The following SLC25A26 variants were observed in gnomAD, a reference collection of about 807,000 sequenced individuals.
The protein encoded by SLC25A26 is mitochondrial S-adenosylmethionine carrier protein.
Under a neutral mutation model 37.8 loss-of-function variants are expected in SLC25A26, and 36 were observed. That is an observed-to-expected ratio of 0.95 (90% CI 0.73 to 1.26). The LOEUF is 1.26. SLC25A26 is among the 50% of genes most tolerant of loss of function. SLC25A26 has a pLI of 0.00. For synonymous variants in SLC25A26, 129 were observed against 122.5 expected (o/e 1.05, Z -0.35); for missense variants, 390 against 331.1 (o/e 1.18, Z -1.38).
intron 5 of SLC25A26, among the ~76,000 whole-genome samples, chr3:66,342,917 G>A (rs545269674): frequency 2.0e-4 from 30 of 152,272 alleles, no homozygotes; most frequent in African/African-American, 7.0e-4. Context: ...TTAAATGGAG[G>A]CATTAAACAG....
intron 1 of SLC25A26, among the ~76,000 whole-genome samples, chr3:66,156,619 T>G (rs528465937): frequency 6.6e-6 from 1 of 152,146 alleles, no homozygotes; most frequent in South Asian, 2.1e-4. Context: ...CTTGTCATGA[T>G]GTAGGGGATA....
At chr3:66,248,099 G>A (rs1451580153) in intron 3 of SLC25A26, among the ~76,000 whole-genome samples, 4 of 152,084 alleles carry the variant, frequency 2.6e-5, no homozygotes, top group African/African-American at 9.7e-5. Flanking sequence ...GTTGAATATA[G>A]CCACAGTTAC....
rs147909067 is a variant in SLC25A26 at position 66,231,196 on chromosome 3, C to T, written c.34-5348C>T. Among the ~76,000 whole-genome samples the T allele has an allele frequency of 5.0e-3, 756 of 152,038 alleles. 6 individuals carry two copies. Among genetic ancestry groups the T allele is most frequent in the Non-Finnish European group, 8.3e-3 (561 of 67,992 alleles). Reference sequence around the variant, plus strand: ...TCTCAAAAAATAAATTGTTTCAGGACGTGTTTGAGATGTTCGAGTAGTCAG... The same window carrying T: ...TCTCAAAAAATAAATTGTTTCAGGATGTGTTTGAGATGTTCGAGTAGTCAG... On this transcript the variant is annotated intron_variant, in intron 1 of 9. Transcript: ENST00000354883.
intron 5 of SLC25A26, among the ~76,000 whole-genome samples, chr3:66,320,711 T>G (rs2075671408): frequency 2.6e-5 from 4 of 152,210 alleles, no homozygotes; most frequent in African/African-American, 9.6e-5. Flanking sequence ...AGCAATGTAT[T>G]AGGGTTCCAG....
intron 5 of SLC25A26, among the ~76,000 whole-genome samples, chr3:66,319,999 G>A (rs1001305981): frequency 1.3e-5 from 2 of 151,990 alleles, no homozygotes; most frequent in Non-Finnish European, 1.5e-5. Context: ...CGCTGCCTTA[G>A]CCTCCCAAAG....
chr3:66,157,838 G>C (rs1037681548), intron 1 of SLC25A26, among the ~76,000 whole-genome samples: 1 of 152,188 alleles, frequency 6.6e-6, no homozygotes, highest in Non-Finnish European at 1.5e-5. Context: ...GTCCAGGCTG[G>C]AGTGCAGTGG....
chr3:66,281,276 T>G (rs1189070828), intron 5 of SLC25A26, among the ~76,000 whole-genome samples: 1 of 152,194 alleles, frequency 6.6e-6, no homozygotes, highest in Non-Finnish European at 1.5e-5. Flanking sequence ...ATGGTTTGAT[T>G]AAGTTGTTTT....
chr3:66,369,025 C>CAAAAAAAAAAAAAAAAAAA (rs1201555171), intron 7 of SLC25A26, among the ~76,000 whole-genome samples: 5 of 32,878 alleles, frequency 1.5e-4, no homozygotes, highest in African/African-American at 2.0e-4. Context: ...CCTGTCTTTT[C>CAAAAAAAAAAAAAAAAAAA]AAAAAAAAAA....
In SLC25A26 at chr3:66,342,262, T is replaced by G. The variant is rs553322132; in HGVS notation, c.454-4102T>G. Reference sequence around the variant, plus strand: ...ACACGGTTTCTGTGTTTTTTAAACGTATTGCTAGAGAGTTCTGGGTTATTT... The same window carrying G: ...ACACGGTTTCTGTGTTTTTTAAACGGATTGCTAGAGAGTTCTGGGTTATTT... On this transcript the variant is annotated intron_variant, in intron 5 of 9. Coordinates refer to ENST00000354883, the MANE Select transcript of SLC25A26 (RefSeq NM_001379210.1). Among the ~76,000 whole-genome samples the G allele has an allele frequency of 2.0e-5, 3 of 152,332 alleles. No individual in the cohort carries two copies. In the East Asian group the frequency reaches 5.8e-4, roughly 29 times the overall value.
intron 7 of SLC25A26, among the ~76,000 whole-genome samples, chr3:66,365,752 C>T (rs2076809858): frequency 6.6e-6 from 1 of 152,186 alleles, no homozygotes; most frequent in South Asian, 2.1e-4. Flanking sequence ...ACAAAAAACA[C>T]TTTCCTTCTT....
intron 5 of SLC25A26, among the ~76,000 whole-genome samples, chr3:66,340,888 A>T (rs1435046397): frequency 2.7e-5 from 2 of 74,188 alleles, no homozygotes; most frequent in Non-Finnish European, 4.8e-5. Context: ...AATTTTTTGT[A>T]AAAAAAAAGT....
intron 5 of SLC25A26, among the ~76,000 whole-genome samples, chr3:66,339,655 T>C (rs2076164783): frequency 6.6e-6 from 1 of 152,038 alleles, no homozygotes; most frequent in African/African-American, 2.4e-5. Flanking sequence ...TTTTATATGC[T>C]TGTTGTCTAT....
At chr3:66,272,519 G>A (rs918882438) in intron 5 of SLC25A26, among the ~76,000 whole-genome samples, 13 of 152,086 alleles carry the variant, frequency 8.5e-5, no homozygotes, top group Non-Finnish European at 1.8e-4. Flanking sequence ...TGATGGAAGT[G>A]TTCATGAAGA....
chr3:66,336,522 C>T (rs1349186990), intron 5 of SLC25A26, among the ~76,000 whole-genome samples: 2 of 152,134 alleles, frequency 1.3e-5, no homozygotes, highest in Admixed American at 1.3e-4. Flanking sequence ...TGTTTCCTGA[C>T]CCTGTGCGAG....
intron 1 of SLC25A26, among the ~76,000 whole-genome samples, chr3:66,196,381 G>A (rs1301300612): frequency 6.6e-6 from 1 of 152,154 alleles, no homozygotes; most frequent in African/African-American, 2.4e-5. Context: ...AATAAATTGG[G>A]CTTATTATGG....
In SLC25A26 at chr3:66,204,425, C is replaced by CA. The variant is rs1253739560; in HGVS notation, c.-353-16303dup. ...TGGGCGACTGAGTGATACTCCGTCT[C>CA]AAAAAAAAAAAAAAGAAAAAAAGAA... On this transcript the variant is annotated intron_variant, in intron 1 of 10. Transcript: ENST00000676754. Among the ~76,000 whole-genome samples the CA allele has an allele frequency of 5.8e-3, 386 of 66,946 alleles. 18 individuals are homozygous for CA. Among genetic ancestry groups the CA allele is most frequent in the East Asian group, 0.024 (57 of 2,340 alleles). The allele number at this position is 66,946 out of a possible 152,430, so 43.9% of individuals were successfully genotyped here.
In SLC25A26 at chr3:66,263,336, T is replaced by C. The variant is rs1185824194; in HGVS notation, c.410T>C (p.Ile137Thr). 1 of 1,612,080 alleles carries C rather than the reference T, an allele frequency of 6.2e-7. No homozygotes were observed. Among genetic ancestry groups the C allele is most frequent in the Admixed American group, 1.7e-5 (1 of 59,930 alleles). ...TCGGCTGTGTGTTTGTTTCAGGGTATCCAAGGGTTGTATCGAGGCTATAAA... is the reference window on the plus strand; with the variant it reads ...TCGGCTGTGTGTTTGTTTCAGGGTACCCAAGGGTTGTATCGAGGCTATAAA... ...IFSNILYEEGIQGLYRGYKST... is the reference protein window; with the variant it reads ...IFSNILYEEGTQGLYRGYKST... The change falls in exon 5 of 10, where the codon ATC becomes ACC. Residue 137 changes from isoleucine (I) to threonine (T), a missense_variant. Coordinates refer to ENST00000354883, the MANE Select transcript of SLC25A26 (RefSeq NM_001379210.1).
intron 6 of SLC25A26, among the ~76,000 whole-genome samples, chr3:66,359,362 A>G (rs2076646402): frequency 6.6e-6 from 1 of 152,202 alleles, no homozygotes; most frequent in Non-Finnish European, 1.5e-5. Flanking sequence ...ACAATACCTG[A>G]CACCTAGTAA....
At chr3:66,350,415 C>A (rs1185919290) in intron 6 of SLC25A26, among the ~76,000 whole-genome samples, 1 of 152,166 alleles carries the variant, frequency 6.6e-6, no homozygotes, top group Non-Finnish European at 1.5e-5. Flanking sequence ...TTCTCTATAT[C>A]ACATTACTCA....
Sources: allele counts gnomAD v4.1 joint callset (sites outside exome capture counted in the v4.1 genomes callset), GRCh38; gene constraint gnomAD v4.1.1; transcripts MANE v1.5; gene names NCBI Gene and HGNC (gene_info 2026-07-23, HGNC 2026-07-21).